AGBL1: variants seen among roughly 807,000 people sequenced by gnomAD.
AGBL1 encodes cytosolic carboxypeptidase 4.
AGBL1 carries 130 observed loss-of-function variants against 118.9 expected under a neutral mutation model. The observed-to-expected ratio is 1.09, with a 90% confidence interval of 0.95 to 1.26. The LOEUF (loss-of-function observed/expected upper bound fraction) is 1.26. AGBL1 is among the 50% of genes most tolerant of loss of function. The pLI is 0.00. For synonymous variants in AGBL1, 555 were observed against 478.9 expected (o/e 1.16, Z -2.08); for missense variants, 1,584 against 1,298.1 (o/e 1.22, Z -3.38).
rs529913129 is a variant in AGBL1 at position 86,097,535 on chromosome 15, CT to C, written c.51+17529del. On this transcript the variant is annotated intron_variant, in intron 1 of 22. Coordinates refer to ENST00000614907, the MANE Select transcript of AGBL1 (RefSeq NM_001386094.1). ...CTAATCTCTATTTCCATGAGATCCA[CT>C]TTTTTTTTTTTTTTTTAGCTCCCAC... Among the ~76,000 whole-genome samples, 1,185 of 139,128 alleles carry C rather than the reference CT, an allele frequency of 8.5e-3. 15 individuals carry two copies. Among genetic ancestry groups the C allele is most frequent in the South Asian group, 0.066 (285 of 4,350 alleles). 91.3% of individuals were successfully genotyped at this position (139,128 alleles called of 152,430 possible).
chr15:86,264,599 A>G lies in AGBL1; in HGVS notation c.1428A>G (p.Pro476=). Residue 476 remains proline, a synonymous_variant, in exon 11 of 23, where the codon CCA becomes CCG. Coordinates refer to ENST00000614907, the MANE Select transcript of AGBL1 (RefSeq NM_001386094.1). ...GGGACGTAGATGCAATTTTCTGCCC[A>G]AGGATGAGTGCCTCCTTTTCTAATT... ...DAWDVDAIFC[P]RMSASFSNST... 8.7e-6 allele frequency: 14 copies of G among 1,613,902 alleles called. No homozygotes were observed. The highest frequency in any genetic ancestry group is 1.3e-5 in the African/African-American group (1 of 75,030).
intron 18 of AGBL1, among the ~76,000 whole-genome samples, chr15:86,504,778 C>A (rs1373558964): frequency 6.6e-6 from 1 of 151,508 alleles, no homozygotes; most frequent in African/African-American, 2.4e-5. Context: ...CAGGTTATGC[C>A]ATTGTTTTTT....
intron 22 of AGBL1, among the ~76,000 whole-genome samples, chr15:86,840,514 C>T (rs999174555): frequency 1.3e-5 from 2 of 152,090 alleles, no homozygotes; most frequent in South Asian, 2.1e-4. Context: ...GGCATGATCT[C>T]GACTCACTGC....
intron 21 of AGBL1, among the ~76,000 whole-genome samples, chr15:86,654,907 ATC>A (rs1405708324): frequency 3.3e-5 from 5 of 152,264 alleles, no homozygotes; most frequent in African/African-American, 9.6e-5. Flanking sequence ...CCACTCTGGA[ATC>A]TCTCTCAGTA....
chr15:86,942,209 C>T (rs1356859406), intron 23 of AGBL1, among the ~76,000 whole-genome samples: 1 of 152,142 alleles, frequency 6.6e-6, no homozygotes, highest in Non-Finnish European at 1.5e-5. Context: ...GTAGTAAATA[C>T]TCCCATTTTA....
intron 21 of AGBL1, among the ~76,000 whole-genome samples, chr15:86,603,187 C>T (rs951148631): frequency 4.6e-5 from 7 of 152,108 alleles, no homozygotes; most frequent in Admixed American, 2.6e-4. Flanking sequence ...TAGCCATCCC[C>T]CACCATCATC....
At chr15:86,558,712 T>C (rs2083771923) in intron 21 of AGBL1, among the ~76,000 whole-genome samples, 1 of 152,238 alleles carries the variant, frequency 6.6e-6, no homozygotes, top group South Asian at 2.1e-4. Flanking sequence ...AATTCAATCA[T>C]CGGAACTCCG....
chr15:86,794,579 G>A lies in AGBL1; in HGVS notation c.3159-112508G>A, dbSNP rs76488012. Among the ~76,000 whole-genome samples the A allele has an allele frequency of 7.2e-5, 11 of 152,144 alleles. No homozygotes were observed. In the East Asian group the frequency reaches 1.7e-3, roughly 24 times the overall value. ...AGTAAAAGCTACTGAATTGTACACAGTACTTTACAATGATTAAAGTGGAGA... is the reference window on the plus strand; with the variant it reads ...AGTAAAAGCTACTGAATTGTACACAATACTTTACAATGATTAAAGTGGAGA... On this transcript the variant is annotated intron_variant, in intron 22 of 22. Coordinates refer to ENST00000614907, the MANE Select transcript of AGBL1 (RefSeq NM_001386094.1).
chr15:86,579,657 T>C (rs1430289979), intron 21 of AGBL1, among the ~76,000 whole-genome samples: 2 of 152,116 alleles, frequency 1.3e-5, no homozygotes, highest in Non-Finnish European at 2.9e-5. Flanking sequence ...TAAGAATCCA[T>C]TGATAAGATT....
chr15:86,860,983 G>A (rs995082544), intron 22 of AGBL1, among the ~76,000 whole-genome samples: 2 of 152,138 alleles, frequency 1.3e-5, no homozygotes, highest in African/African-American at 2.4e-5. Context: ...AGCTGTGTCA[G>A]TCTTGCACCT....
chr15:86,502,477 G>T (rs893464229), intron 18 of AGBL1, among the ~76,000 whole-genome samples: 2 of 151,420 alleles, frequency 1.3e-5, no homozygotes, highest in African/African-American at 4.8e-5. Context: ...ATGTTGAATA[G>T]ATGTGGTAAA....
intron 21 of AGBL1, among the ~76,000 whole-genome samples, chr15:86,661,373 G>C (rs931605051): frequency 1.3e-5 from 2 of 151,986 alleles, no homozygotes; most frequent in East Asian, 3.9e-4. Flanking sequence ...TTCAGACCAT[G>C]CTTTTTTTCC....
chr15:86,377,521 G>A (rs182467566), intron 17 of AGBL1, among the ~76,000 whole-genome samples: 117 of 152,260 alleles, frequency 7.7e-4, no homozygotes, highest in African/African-American at 2.8e-3. Flanking sequence ...CCTGGTCAGT[G>A]CTAACAAGTC....
rs556784817 is a variant in AGBL1, at chr15:86,679,273, G to A, written c.3158+4837G>A. Among the ~76,000 whole-genome samples, 15 of 151,938 alleles carry A rather than the reference G, an allele frequency of 9.9e-5. No homozygotes were observed. In the East Asian group the frequency reaches 1.7e-3, roughly 18 times the overall value. On this transcript the variant is annotated intron_variant, in intron 22 of 22. Transcript: ENST00000614907. ...GTAAAGTATTGTAGGGATTCTGTTC[G>A]TATCCTTTTTATGTAGTTCCTGAAT... is the stretch of plus-strand genomic sequence containing the variant.
Position 86,125,329 on chromosome 15 carries a change from T to C in AGBL1, c.52-16675T>C, listed in dbSNP as rs184098170. On this transcript the variant is annotated intron_variant, in intron 1 of 22. Coordinates refer to ENST00000614907, the MANE Select transcript of AGBL1 (RefSeq NM_001386094.1). ...CTTATTTCCATGATGAAGCCTTTCG[T>C]GACTAGACTTTCCCTTTCTCTCATA... Among the ~76,000 whole-genome samples, 116 of 152,310 alleles carry C rather than the reference T, an allele frequency of 7.6e-4. 1 individual carries two copies. The highest frequency in any genetic ancestry group is 2.4e-3 in the African/African-American group (100 of 41,582).
chr15:86,301,178 T>A (rs1270896808), intron 17 of AGBL1, among the ~76,000 whole-genome samples: 3 of 152,134 alleles, frequency 2.0e-5, no homozygotes, highest in Non-Finnish European at 4.4e-5. Flanking sequence ...TCTGGACATT[T>A]CTGTTTTTGT....
chr15:86,404,956 A>G (rs983561583), intron 18 of AGBL1, among the ~76,000 whole-genome samples: 2 of 152,144 alleles, frequency 1.3e-5, no homozygotes. Context: ...TGGGCCCTTA[A>G]GGGAAAGAGG....
chr15:86,821,910 A>C (rs1365782467), intron 22 of AGBL1, among the ~76,000 whole-genome samples: 1 of 152,168 alleles, frequency 6.6e-6, no homozygotes, highest in Non-Finnish European at 1.5e-5. Context: ...GGATTTAACC[A>C]ATATCGCATG....
intron 24 of AGBL1, among the ~76,000 whole-genome samples, chr15:87,006,648 G>A (rs2081507609): frequency 6.6e-6 from 1 of 152,158 alleles, no homozygotes; most frequent in African/African-American, 2.4e-5. Flanking sequence ...CCCGGGTGAG[G>A]CAATGCCTCA....
Sources: gnomAD v4.1 joint callset for allele counts (sites outside exome capture counted in the v4.1 genomes callset) on GRCh38, gnomAD v4.1.1 for gene constraint, MANE v1.5 for transcripts, NCBI Gene and HGNC (gene_info 2026-07-23, HGNC 2026-07-21) for gene names.